TASP1: variants seen among roughly 807,000 people sequenced by gnomAD.
TASP1 encodes the protein taspase 1, also known as threonine aspartase 1.
Under a neutral mutation model 56.6 loss-of-function variants are expected in TASP1, and 16 were observed. The observed-to-expected ratio is 0.28, with a 90% CI of 0.19 to 0.43. TASP1 has a LOEUF of 0.43. Ranked by LOEUF, TASP1 falls within the 20% of genes least tolerant of loss-of-function variation. TASP1 has a pLI of 1.00. For synonymous variants in TASP1, 179 were observed against 184.2 expected (o/e 0.97, Z 0.23); for missense variants, 393 against 511.6 (o/e 0.77, Z 2.24).
chr20:13,536,856 T>C (rs1021868303), intron 8 of TASP1, among the ~76,000 whole-genome samples: 1 of 151,834 alleles, frequency 6.6e-6, no homozygotes, highest in Non-Finnish European at 1.5e-5. Context: ...AAATATTATA[T>C]ATATTTATGG....
At chr20:13,442,638 T>C (rs991833880) in intron 11 of TASP1, among the ~76,000 whole-genome samples, 3 of 144,146 alleles carry the variant, frequency 2.1e-5, no homozygotes, top group African/African-American at 8.8e-5. Flanking sequence ...CAAGACTCTG[T>C]CTTTAAAAAC....
chr20:13,589,409 T>C (rs769285886), intron 4 of TASP1, among the ~76,000 whole-genome samples: 1 of 152,076 alleles, frequency 6.6e-6, no homozygotes, highest in Non-Finnish European at 1.5e-5. Flanking sequence ...GATAGCCACA[T>C]GTAAGAAAAT....
intron 4 of TASP1, among the ~76,000 whole-genome samples, chr20:13,588,313 A>C (rs1428457860): frequency 2.0e-5 from 2 of 101,836 alleles, no homozygotes; most frequent in South Asian, 5.8e-4. Flanking sequence ...AAGGAAGAGA[A>C]AGAAAAGGAA....
chr20:13,434,996 T>C, intron 12 of TASP1, 48 bp downstream of exon 12: 1 of 1,411,308 alleles, frequency 7.1e-7, no homozygotes, highest in Non-Finnish European at 9.7e-7. Flanking sequence ...TCATTTTTTC[T>C]TGGAAAAAAA....
chr20:13,344,890 A>G, the TASP1 span, among the ~76,000 whole-genome samples: 2 of 152,186 alleles, frequency 1.3e-5, no homozygotes, highest in Non-Finnish European at 2.9e-5. Context: ...GTGGTCTCCA[A>G]GGTTTCTCTG....
chr20:13,564,952 G>A (rs2147108354), intron 7 of TASP1, among the ~76,000 whole-genome samples: 1 of 148,272 alleles, frequency 6.7e-6, no homozygotes, highest in African/African-American at 2.5e-5. Context: ...GTTGCAGTGA[G>A]CAGAGGATCG....
chr20:13,223,613 T>C, the TASP1 span, among the ~76,000 whole-genome samples: 5 of 152,296 alleles, frequency 3.3e-5, no homozygotes, highest in Admixed American at 6.5e-5. Context: ...AAGCTTAAAG[T>C]TGTTTTAACT....
chr20:13,584,728 T>C (rs528389827), intron 5 of TASP1, among the ~76,000 whole-genome samples: 2 of 152,276 alleles, frequency 1.3e-5, no homozygotes, highest in South Asian at 4.1e-4. Context: ...ATACATAGTA[T>C]ATTCTCTGGC....
the TASP1 span, among the ~76,000 whole-genome samples, chr20:13,311,124 G>T: frequency 6.6e-6 from 1 of 152,148 alleles, no homozygotes; most frequent in East Asian, 1.9e-4. Context: ...AACCCGGGAA[G>T]CGGAGGTTGC....
At chr20:13,459,755 A>T (rs2043983094) in intron 11 of TASP1, among the ~76,000 whole-genome samples, 1 of 152,046 alleles carries the variant, frequency 6.6e-6, no homozygotes, top group African/African-American at 2.4e-5. Flanking sequence ...ATCTTGATTC[A>T]AGACTTGCCT....
intron 10 of TASP1, among the ~76,000 whole-genome samples, chr20:13,499,007 A>G (rs2043843470): frequency 6.6e-6 from 1 of 152,206 alleles, no homozygotes; most frequent in South Asian, 2.1e-4. Context: ...AAAAAGGCAC[A>G]TGCACTCATA....
At chr20:13,224,602 G>T in the TASP1 span, among the ~76,000 whole-genome samples, 1 of 151,986 alleles carries the variant, frequency 6.6e-6, no homozygotes, top group Non-Finnish European at 1.5e-5. Context: ...TTTTATCTCT[G>T]TGTACAACCT....
In TASP1 at chr20:13,520,722, T is replaced by G. The variant is rs185959321; in HGVS notation, c.874+7711A>C. 4.0e-3 allele frequency among the ~76,000 whole-genome samples: 613 copies of G among 152,258 alleles called. 5 individuals carry two copies. Among genetic ancestry groups the G allele is most frequent in the African/African-American group, 0.014 (582 of 41,540 alleles). ...CAGGACATAGGCAAGGGCAAGGACTTCATGTCTAAAACACCAAAAGCAATG... is the reference window on the plus strand; with the variant it reads ...CAGGACATAGGCAAGGGCAAGGACTGCATGTCTAAAACACCAAAAGCAATG... On this transcript the variant is annotated intron_variant, in intron 10 of 13. Transcript: ENST00000337743.
intron 4 of TASP1, among the ~76,000 whole-genome samples, chr20:13,619,611 ATGCAAAATTATGG>A (rs1239860512): frequency 6.6e-6 from 1 of 152,208 alleles, no homozygotes; most frequent in Non-Finnish European, 1.5e-5. Context: ...CATGTGAAAT[ATGCAAAATTATGG>A]TCCAGAATCT....
At chr20:13,323,199 C>T in the TASP1 span, among the ~76,000 whole-genome samples, 1 of 152,018 alleles carries the variant, frequency 6.6e-6, no homozygotes, top group South Asian at 2.1e-4. Context: ...ATAAGAGAGT[C>T]GGTAGGGTTG....
the TASP1 span, chr20:13,279,553 C>G: frequency 7.2e-7 from 1 of 1,388,932 alleles, no homozygotes. Context: ...TCCCTCTGCC[C>G]TCTCAGACTT....
At chr20:13,225,508 C>T in the TASP1 span, among the ~76,000 whole-genome samples, 2 of 152,124 alleles carry the variant, frequency 1.3e-5, no homozygotes, top group East Asian at 1.9e-4. Flanking sequence ...GTAGTTTCAG[C>T]GCACTAGGGG....
the TASP1 span, among the ~76,000 whole-genome samples, chr20:13,215,089 T>C: frequency 2.0e-5 from 3 of 152,336 alleles, no homozygotes; most frequent in South Asian, 6.2e-4. Flanking sequence ...CTGTTTTCTA[T>C]ATGTACAGCA....
chr20:13,444,756 G>A (rs1026091619), intron 11 of TASP1, among the ~76,000 whole-genome samples: 4 of 152,068 alleles, frequency 2.6e-5, no homozygotes, highest in Non-Finnish European at 5.9e-5. Flanking sequence ...TTATAGAAGA[G>A]AAACCAAAGG....
Sources: allele counts gnomAD v4.1 joint callset (sites outside exome capture counted in the v4.1 genomes callset), GRCh38; gene constraint gnomAD v4.1.1; transcripts MANE v1.5; gene names NCBI Gene and HGNC (gene_info 2026-07-23, HGNC 2026-07-21).